Variants in G3BP2 observed in about 807,000 individuals in gnomAD.
G3BP2 encodes G3BP stress granule assembly factor 2, also known as ras GTPase-activating protein-binding protein 2.
In G3BP2, 11 loss-of-function variants were observed where a neutral mutation model predicts 56.7. The ratio of observed to expected loss-of-function variants is 0.19; its 90% CI spans 0.12 to 0.32. The LOEUF is 0.32. Ranked by LOEUF, G3BP2 falls within the 10% of genes least tolerant of loss-of-function variation. The pLI is 1.00. For missense variants in G3BP2, 340 were observed against 610.9 expected (o/e 0.56, Z 4.67); for synonymous variants, 165 against 191.6 (o/e 0.86, Z 1.15).
At position 75,713,393 on chromosome 4, in the gene G3BP2, CA is replaced by C. The variant is rs1421446659; in HGVS notation, c.-25+7483del. On this transcript the variant is annotated intron_variant, in intron 3 of 3. Coordinates refer to the G3BP2 transcript ENST00000499709. ...ACAGGATATTTATACAGTATTAAAG[CA>C]TGTTCCCAAATGATACTTACTAATT... is the stretch of plus-strand genomic sequence containing the variant. Among the ~76,000 whole-genome samples the C allele has an allele frequency of 2.0e-5, 3 of 152,128 alleles. No homozygotes were observed. The East Asian group carries it at 5.8e-4, about 29-fold the overall frequency.
intron 3 of G3BP2, among the ~76,000 whole-genome samples, chr4:75,683,088 T>C (rs1265376894): frequency 6.6e-6 from 1 of 152,172 alleles, no homozygotes; most frequent in Admixed American, 6.5e-5. Context: ...CAGTCCCTCA[T>C]GCAGGGTCCG....
chr4:75,723,920 C>T (rs1720286802), intron 1 of G3BP2: 1 of 148,946 alleles, frequency 6.7e-6, no homozygotes, highest in Non-Finnish European at 1.5e-5. Context: ...AAACTGAAAA[C>T]ACAGGGGTTG....
chr4:75,685,166 A>G (rs576139180), intron 3 of G3BP2, among the ~76,000 whole-genome samples: 1 of 151,444 alleles, frequency 6.6e-6, no homozygotes, highest in Non-Finnish European at 1.5e-5. Context: ...TTTTGAAAAT[A>G]AACACTTTTT....
intron 1 of G3BP2, among the ~76,000 whole-genome samples, chr4:75,722,320 G>C (rs1186440966): frequency 6.6e-6 from 1 of 152,168 alleles, no homozygotes; most frequent in African/African-American, 2.4e-5. Context: ...CGAAAGTATA[G>C]TAACCTACTT....
intron 8 of G3BP2, among the ~76,000 whole-genome samples, chr4:75,651,649 T>C (rs1045791831): frequency 6.6e-6 from 1 of 152,226 alleles, no homozygotes. Context: ...AACTAGTTTT[T>C]CTGAACAGAT....
chr4:75,693,644 C>T (rs776697033), intron 3 of G3BP2, among the ~76,000 whole-genome samples: 1 of 151,994 alleles, frequency 6.6e-6, no homozygotes, highest in Non-Finnish European at 1.5e-5. Flanking sequence ...CAACAATTAG[C>T]TGGGCGCGGT....
At chr4:75,667,643 C>A (rs1420395530) in intron 1 of G3BP2, among the ~76,000 whole-genome samples, 3 of 152,172 alleles carry the variant, frequency 2.0e-5, no homozygotes, top group African/African-American at 2.4e-5. Flanking sequence ...TACTTCCCAG[C>A]ACTTTGGGAG....
intron 8 of G3BP2, among the ~76,000 whole-genome samples, chr4:75,653,690 A>G (rs970903133): frequency 6.6e-5 from 10 of 151,788 alleles, no homozygotes; most frequent in South Asian, 2.1e-4. Context: ...TAGAATTTGA[A>G]GCTTTTGAAA....
intron 3 of G3BP2, among the ~76,000 whole-genome samples, chr4:75,694,447 A>C (rs1418094359): frequency 1.3e-5 from 2 of 148,406 alleles, no homozygotes; most frequent in East Asian, 3.9e-4. Context: ...CTAAAAATAC[A>C]AAAAAAATTA....
intron 3 of G3BP2, among the ~76,000 whole-genome samples, chr4:75,692,200 CG>C (rs1222511258): frequency 5.3e-5 from 8 of 152,106 alleles, no homozygotes; most frequent in African/African-American, 1.9e-4. Context: ...TGCTCTCTAA[CG>C]TAAGTTAAGG....
intron 8 of G3BP2, among the ~76,000 whole-genome samples, chr4:75,650,958 T>C (rs1482451162): frequency 2.0e-5 from 3 of 152,254 alleles, no homozygotes; most frequent in African/African-American, 7.2e-5. Flanking sequence ...TTAAATTAAA[T>C]TACATTTTTA....
chr4:75,681,088 C>G (rs1008782143), intron 3 of G3BP2, among the ~76,000 whole-genome samples: 2 of 151,404 alleles, frequency 1.3e-5, no homozygotes, highest in African/African-American at 4.9e-5. Flanking sequence ...CTTTGGGAGG[C>G]CAAGGTGGGT....
At chr4:75,655,268 A>C in intron 6 of G3BP2, 22 bp from the exon 7 acceptor site, 1 of 1,552,696 alleles carries the variant, frequency 6.4e-7, no homozygotes, top group Non-Finnish European at 8.8e-7. Context: ...TATTTAGTTC[A>C]CTTTTTAGTA....
In G3BP2 at chr4:75,656,637, T is replaced by C. The variant is rs1475452254; in HGVS notation, c.442+287A>G. 2.6e-5 allele frequency among the ~76,000 whole-genome samples: 4 copies of C among 152,168 alleles called. No individual in the cohort carries two copies. The East Asian group carries it at 7.7e-4, about 29-fold the overall frequency. On this transcript the variant is annotated intron_variant, in intron 5 of 11. Transcript: ENST00000359707. The stretch of plus-strand genomic sequence containing the variant: ...AATTCCACATTTATAAAAATACATG[T>C]TGCCAAGTATAGAATCCAAAAACCT...
At position 75,644,338 on chromosome 4, in the gene G3BP2, G is replaced by A. The variant is rs986269171; in HGVS notation, c.*1092C>T. 3 of 152,516 alleles carry A rather than the reference G, an allele frequency of 2.0e-5. No homozygotes were observed. The highest frequency in any genetic ancestry group is 4.4e-5 in the Non-Finnish European group (3 of 68,016). The allele number at this position is 152,516 out of a possible 1,614,324, so 9.4% of individuals were successfully genotyped here. On this transcript the variant is annotated 3_prime_UTR_variant, in exon 12 of 12. Coordinates refer to ENST00000359707, the MANE Select transcript of G3BP2 (RefSeq NM_203505.3). ...CACACAGGACTCCCTCCCTCCCACA[G>A]AGAACACAAAGTTGTTAACTGAAGA... is the stretch of plus-strand genomic sequence containing the variant.
intron 1 of G3BP2, among the ~76,000 whole-genome samples, chr4:75,663,254 A>T (rs1273293704): frequency 2.6e-5 from 4 of 152,038 alleles, no homozygotes; most frequent in Admixed American, 2.6e-4. Flanking sequence ...AAATAAATAC[A>T]ATTTCCTATT....
intron 6 of G3BP2, 108 bp downstream of exon 6, chr4:75,655,660 T>G (rs1732039664): frequency 1.5e-6 from 1 of 670,080 alleles, no homozygotes. Context: ...AATACTGACA[T>G]AATAGGTGGT....
chr4:75,666,677 C>T (rs145499637), intron 1 of G3BP2, among the ~76,000 whole-genome samples: 151 of 152,030 alleles, frequency 9.9e-4, no homozygotes, highest in African/African-American at 3.4e-3. Flanking sequence ...ATGCAGTGTA[C>T]GTAAGAAGGT....
At chr4:75,695,619 T>C (rs11732850) in intron 3 of G3BP2, among the ~76,000 whole-genome samples, 49,581 of 151,764 alleles carry the variant, frequency 0.33, 9,143 homozygotes, top group African/African-American at 0.5. Context: ...AGGAGCCACA[T>C]TTAAGGGAGG....
Sources: allele counts gnomAD v4.1 joint callset (sites outside exome capture counted in the v4.1 genomes callset), GRCh38; gene constraint gnomAD v4.1.1; transcripts MANE v1.5; gene names NCBI Gene and HGNC (gene_info 2026-07-23, HGNC 2026-07-21).